SCN11A: variants seen among roughly 807,000 people sequenced by gnomAD.
SCN11A encodes the protein sodium voltage-gated channel alpha subunit 11.
In SCN11A, 122 loss-of-function variants were observed where a neutral mutation model predicts 162.2. The observed-to-expected ratio is 0.75, with a 90% CI of 0.65 to 0.87. The LOEUF (loss-of-function observed/expected upper bound fraction) is 0.87, where lower values mean the gene tolerates loss of function less well. SCN11A is among the 40% of genes least tolerant of loss of function. The pLI, the probability that SCN11A is intolerant of heterozygous loss-of-function variation, is 0.00. For missense variants in SCN11A, 2,015 were observed against 2,181.6 expected, an observed-to-expected ratio of 0.92 and a Z score of 1.52; for synonymous variants, 758 against 751.5, an observed-to-expected ratio of 1.01 and a Z score of -0.14.
At chr3:38,892,167 G>C (rs997163449) in intron 19 of SCN11A, among the ~76,000 whole-genome samples, 1 of 152,110 alleles carries the variant, frequency 6.6e-6, no homozygotes, top group Admixed American at 6.5e-5. Flanking sequence ...AGTGAACCAA[G>C]ATTTTTATAT....
At chr3:39,022,011 ACT>A (rs1038179967) in intron 2 of SCN11A, among the ~76,000 whole-genome samples, 47 of 151,920 alleles carry the variant, frequency 3.1e-4, no homozygotes, top group Non-Finnish European at 3.4e-4. Flanking sequence ...CTTTCAAAAG[ACT>A]CCACCACAGA....
Position 38,926,900 on chromosome 3 carries a change from C to G in SCN11A, c.520G>C (p.Ala174Pro), listed in dbSNP as rs748548157. The change falls in exon 8 of 30, where the codon GCT (alanine) becomes CCT (proline). Residue 174 changes from alanine to proline, a missense_variant. Physicochemically the swap from Ala to Pro is conservative, Grantham distance 27. Coordinates refer to ENST00000302328, the MANE Select transcript of SCN11A (RefSeq NM_001349253.2). ...CVFTGIYIFEALIKILARGFI... is the reference protein window; with the variant it reads ...CVFTGIYIFEPLIKILARGFI... ...CCTCTTGCCAATATTTTAATCAAAG[C>G]TTCAAAAATATAAATCCCAGTGAAG... 7.4e-6 allele frequency: 12 copies of G among 1,612,950 alleles called. No homozygotes were observed. The highest frequency in any genetic ancestry group is 1.0e-5 in the Non-Finnish European group (12 of 1,179,052).
At chr3:39,026,099 A>G (rs1472733818) in intron 2 of SCN11A, 1 of 150,724 alleles carries the variant, frequency 6.6e-6, no homozygotes, top group Non-Finnish European at 1.5e-5. Context: ...TTTTTATTAC[A>G]TTATGTGTCA....
At chr3:38,851,342 A>C (rs1342448005) in intron 28 of SCN11A, among the ~76,000 whole-genome samples, 1 of 152,204 alleles carries the variant, frequency 6.6e-6, no homozygotes, top group African/African-American at 2.4e-5. Flanking sequence ...TTATAATCCA[A>C]TAATTACTAA....
At chr3:39,001,893 T>C (rs371081423) in intron 2 of SCN11A, among the ~76,000 whole-genome samples, 1 of 151,934 alleles carries the variant, frequency 6.6e-6, no homozygotes. Context: ...AAAAATTAGC[T>C]GGGCGTGGTG....
chr3:38,974,984 C>T (rs1000362310), intron 2 of SCN11A, among the ~76,000 whole-genome samples: 2 of 150,014 alleles, frequency 1.3e-5, no homozygotes, highest in African/African-American at 4.9e-5. Context: ...AAATAAAGAT[C>T]GTGTACCAAT....
chr3:38,919,479 T>C (rs1211535951), intron 11 of SCN11A, among the ~76,000 whole-genome samples: 1 of 152,206 alleles, frequency 6.6e-6, no homozygotes, highest in Non-Finnish European at 1.5e-5. Flanking sequence ...CCAGCAGCTG[T>C]TGGGGCAAGT....
chr3:38,925,327 G>T, intron 9 of SCN11A, 88 bp downstream of exon 9: 1 of 865,610 alleles, frequency 1.2e-6, no homozygotes, highest in Non-Finnish European at 1.8e-6. Flanking sequence ...TTTGTTTTTG[G>T]TTTACATGAT....
intron 25 of SCN11A, 74 bp from the exon 26 acceptor site, chr3:38,870,818 C>G (rs922467358): frequency 9.9e-6 from 13 of 1,318,064 alleles, no homozygotes; most frequent in South Asian, 7.2e-5. Context: ...CATGGAAAAG[C>G]AGGTGAGGCC....
chr3:38,987,092 A>C (rs2030273663), intron 2 of SCN11A, among the ~76,000 whole-genome samples: 1 of 152,128 alleles, frequency 6.6e-6, no homozygotes, highest in African/African-American at 2.4e-5. Flanking sequence ...AACACAGTAC[A>C]TAGTGACTAA....
chr3:38,883,656 C>T (rs2065347347), intron 21 of SCN11A, among the ~76,000 whole-genome samples: 2 of 152,254 alleles, frequency 1.3e-5, no homozygotes, highest in African/African-American at 4.8e-5. Flanking sequence ...CTGTCTTGTG[C>T]CATCTCCATA....
chr3:39,017,450 G>C (rs1461006659), intron 2 of SCN11A, among the ~76,000 whole-genome samples: 3 of 152,126 alleles, frequency 2.0e-5, no homozygotes, highest in African/African-American at 7.2e-5. Flanking sequence ...TATTCTCTCT[G>C]GCTGCTTTTA....
At chr3:38,887,514 C>A (rs1293834584) in intron 19 of SCN11A, among the ~76,000 whole-genome samples, 1 of 150,830 alleles carries the variant, frequency 6.6e-6, no homozygotes, top group Non-Finnish European at 1.5e-5. Flanking sequence ...TGCAGCACAC[C>A]AACATGGCAT....
rs771181727 is a variant in SCN11A, at chr3:38,903,857, A to C, written c.1842+8T>G. ...TATGTTTTTTATTTTTAAAAAGTGT[A>C]ATGTTACCAAATTCCCTATATTCAA... On this transcript the variant is annotated splice_region_variant and intron_variant, in intron 16 of 29. Coordinates refer to ENST00000302328, the MANE Select transcript of SCN11A (RefSeq NM_001349253.2). 3 of 1,544,300 alleles carry C rather than the reference A, an allele frequency of 1.9e-6. No homozygotes were observed. In the African/African-American group the frequency reaches 4.1e-5, roughly 21 times the overall value.
chr3:38,847,466 T>C lies in SCN11A; in HGVS notation c.4604A>G (p.Lys1535Arg), dbSNP rs1553630322. The C allele has an allele frequency of 1.9e-6, 3 of 1,614,238 alleles. No individual in the cohort carries two copies. The highest frequency in any genetic ancestry group is 2.5e-6 in the Non-Finnish European group (3 of 1,180,034). The change falls in exon 30 of 30, where the codon AAG (lysine) becomes AGG (arginine). Residue 1535 changes from lysine to arginine, a missense_variant. Transcript: ENST00000302328. ...ESGIDDIFNF[K>R]TFASSMLCLF... ...ACAGAGCATGCTGCTGGCAAAAGTC[T>C]TGAAGTTGAATATGTCATCGATTCC... is the stretch of plus-strand genomic sequence containing the variant.
At chr3:38,941,255 C>T (rs914677938) in intron 7 of SCN11A, among the ~76,000 whole-genome samples, 1 of 152,134 alleles carries the variant, frequency 6.6e-6, no homozygotes, top group Non-Finnish European at 1.5e-5. Flanking sequence ...AAATGACATA[C>T]TTAAAGTGCT....
chr3:38,976,378 G>C (rs1404539649), intron 2 of SCN11A, among the ~76,000 whole-genome samples: 1 of 152,126 alleles, frequency 6.6e-6, no homozygotes, highest in African/African-American at 2.4e-5. Context: ...TTAAGGCCTG[G>C]GGAGGTGATG....
intron 2 of SCN11A, among the ~76,000 whole-genome samples, chr3:38,989,957 C>G (rs1296276300): frequency 1.3e-5 from 2 of 152,100 alleles, no homozygotes; most frequent in African/African-American, 4.8e-5. Flanking sequence ...GAGGCTCACA[C>G]AGCTGTCATC....
intron 2 of SCN11A, among the ~76,000 whole-genome samples, chr3:38,976,532 GA>G (rs2066850881): frequency 6.6e-6 from 1 of 152,208 alleles, no homozygotes; most frequent in Admixed American, 6.5e-5. Flanking sequence ...AATGCTCACT[GA>G]AACATTTCAG....
Sources: allele counts gnomAD v4.1 joint callset (sites outside exome capture counted in the v4.1 genomes callset), GRCh38; gene constraint gnomAD v4.1.1; transcripts MANE v1.5; gene names NCBI Gene and HGNC (gene_info 2026-07-23, HGNC 2026-07-21).